The following KDM7A variants were observed in gnomAD, a reference collection of about 807,000 sequenced individuals.
KDM7A encodes the protein lysine demethylase 7A.
Under a neutral mutation model 114.8 loss-of-function variants are expected in KDM7A, and 28 were observed. The ratio of observed to expected loss-of-function variants is 0.24; its 90% CI spans 0.18 to 0.33. The LOEUF is 0.33. Ranked by LOEUF, KDM7A falls within the 10% of genes least tolerant of loss-of-function variation. The probability of loss-of-function intolerance (pLI) is 1.00; values close to 1 mark genes in which losing one functional copy is unlikely to be tolerated. For missense variants in KDM7A, 942 were observed against 1,142.5 expected, an observed-to-expected ratio of 0.82 and a Z score of 2.53; for synonymous variants, 423 against 397.8, an observed-to-expected ratio of 1.06 and a Z score of -0.75.
rs1817957286 is a variant in KDM7A at position 140,087,920 on chromosome 7, G to T, written c.*3174C>A. On this transcript the variant is annotated 3_prime_UTR_variant, in exon 20 of 20. Coordinates refer to ENST00000397560, the MANE Select transcript of KDM7A (RefSeq NM_030647.2). ...GTGAAAATAATACTGCTAATTTCCT[G>T]GAGAAGATACCTTCAAGGGCAGAGA... The T allele has an allele frequency of 3.3e-5, 5 of 152,136 alleles. No individual in the cohort carries two copies. Among genetic ancestry groups the T allele is most frequent in the Admixed American group, 3.3e-4 (5 of 15,276 alleles). 9.4% of individuals were successfully genotyped at this position (152,136 alleles called of 1,614,324 possible).
intron 1 of KDM7A, among the ~76,000 whole-genome samples, chr7:140,172,595 G>T (rs1363104746): frequency 6.6e-6 from 1 of 152,116 alleles, no homozygotes; most frequent in African/African-American, 2.4e-5. Context: ...GGAGCTTGCA[G>T]GGAGCTGAGA....
At chr7:140,172,774 T>A (rs1585172874) in intron 1 of KDM7A, among the ~76,000 whole-genome samples, 1 of 152,174 alleles carries the variant, frequency 6.6e-6, no homozygotes, top group African/African-American at 2.4e-5. Flanking sequence ...ACATTAAAGA[T>A]ACAGGAAAAA....
intron 1 of KDM7A, among the ~76,000 whole-genome samples, chr7:140,157,469 A>G (rs1794469978): frequency 6.6e-6 from 1 of 152,186 alleles, no homozygotes; most frequent in South Asian, 2.1e-4. Context: ...CCTGGGCAAC[A>G]TAGTGAGACT....
At chr7:140,096,245 A>G (rs754105157) in intron 17 of KDM7A, among the ~76,000 whole-genome samples, 2 of 152,132 alleles carry the variant, frequency 1.3e-5, no homozygotes, top group Non-Finnish European at 2.9e-5. Context: ...TGGCCATTTA[A>G]GGCACCAAAA....
chr7:140,118,379 C>CA (rs992658946), intron 9 of KDM7A, among the ~76,000 whole-genome samples: 1 of 150,584 alleles, frequency 6.6e-6, no homozygotes, highest in Non-Finnish European at 1.5e-5. Context: ...AAGACAAGTT[C>CA]AAAAAAGGTT....
At position 140,090,994 on chromosome 7, in the gene KDM7A, T is replaced by C. The variant is rs1036875120; in HGVS notation, c.*100A>G. 2.5e-6 allele frequency: 2 copies of C among 812,944 alleles called. No homozygotes were observed. The highest frequency in any genetic ancestry group is 3.4e-5 in the African/African-American group (2 of 58,726). The allele number at this position is 812,944 out of a possible 1,614,324, so 50.4% of individuals were successfully genotyped here. On this transcript the variant is annotated 3_prime_UTR_variant, in exon 20 of 20. Transcript: ENST00000397560. The stretch of plus-strand genomic sequence containing the variant: ...TGTTCTTCGGGCAGTGTTCTTACTA[T>C]ACACACAAACTGCTCCAGGCAGGGG...
At chr7:140,170,996 A>G (rs987018) in intron 1 of KDM7A, among the ~76,000 whole-genome samples, 8,870 of 152,146 alleles carry the variant, frequency 0.058, 332 homozygotes, top group East Asian at 0.13. Flanking sequence ...AGGCTGAAAC[A>G]GGAGGATTGC....
rs1399557085 is a variant in KDM7A at position 140,100,013 on chromosome 7, C to G, written c.1649G>C (p.Ser550Thr). The change falls in exon 13 of 20, where the codon AGC becomes ACC. Residue 550 changes from serine (S) to threonine (T), a missense_variant. Around this residue, in one of 4 missense-constraint regions of KDM7A, gnomAD observed 512 missense variants for 576.6 expected, o/e 0.89. Transcript: ENST00000397560. ...EMCPWEEDIL[S>T]SKLNGKFNKH... ...GTTGAATTTTCCATTCAGTTTAGAGCTCAAGATGTCCTGAAGGTATAAATG... is the reference window on the plus strand; with the variant it reads ...GTTGAATTTTCCATTCAGTTTAGAGGTCAAGATGTCCTGAAGGTATAAATG... 1 of 1,614,112 alleles carries G rather than the reference C, an allele frequency of 6.2e-7. No individual in the cohort carries two copies. Among genetic ancestry groups the G allele is most frequent in the Admixed American group, 1.7e-5 (1 of 60,012 alleles).
At chr7:140,159,307 G>A (rs756139810) in intron 1 of KDM7A, among the ~76,000 whole-genome samples, 8 of 151,956 alleles carry the variant, frequency 5.3e-5, no homozygotes, top group East Asian at 1.9e-4. Context: ...AGTTCATGCC[G>A]CTGCACTCCA....
At chr7:140,096,863 C>T (rs1386634109) in intron 16 of KDM7A, 36 bp downstream of exon 16, 2 of 1,599,874 alleles carry the variant, frequency 1.3e-6, no homozygotes, top group Admixed American at 1.7e-5. Flanking sequence ...ATTTACCTTA[C>T]AATATAATAA....
Position 140,087,255 on chromosome 7 carries a change from G to A in KDM7A, c.*3839C>T, listed in dbSNP as rs1817943178. The A allele has an allele frequency of 1.3e-5, 2 of 152,046 alleles. No homozygotes were observed. The highest frequency in any genetic ancestry group is 1.3e-4 in the Admixed American group (2 of 15,266). 9.4% of individuals were successfully genotyped at this position (152,046 alleles called of 1,614,324 possible). On this transcript the variant is annotated 3_prime_UTR_variant, in exon 20 of 20. Transcript: ENST00000397560. ...TACCTGAAGAGTATGCTGAATCTGT[G>A]GGGATGGTACTTTCCTAATTCTTCA...
intron 1 of KDM7A, among the ~76,000 whole-genome samples, chr7:140,146,468 G>A (rs1335850796): frequency 6.6e-6 from 1 of 152,120 alleles, no homozygotes; most frequent in Non-Finnish European, 1.5e-5. Flanking sequence ...AATGCAGTAG[G>A]ACACACAAAG....
At chr7:140,101,917 G>T in intron 12 of KDM7A, 34 bp downstream of exon 12, 1 of 1,432,166 alleles carries the variant, frequency 7.0e-7, no homozygotes, top group Non-Finnish European at 9.8e-7. Flanking sequence ...GAACAGCCAA[G>T]TTTCTTTTTG....
chr7:140,139,242 T>C (rs1794227004), intron 1 of KDM7A, 52 bp from the exon 2 acceptor site: 1 of 1,226,558 alleles, frequency 8.2e-7, no homozygotes, highest in South Asian at 1.2e-5. Flanking sequence ...AAATCTTCGC[T>C]TAACTATAAT....
At chr7:140,113,638 A>G in intron 9 of KDM7A, 56 bp from the exon 10 acceptor site, 1 of 922,268 alleles carries the variant, frequency 1.1e-6, no homozygotes. Flanking sequence ...TCTAAAGTTA[A>G]AGGGATTAAC....
chr7:140,142,902 TAA>T (rs111959732), intron 1 of KDM7A, among the ~76,000 whole-genome samples: 116 of 150,072 alleles, frequency 7.7e-4, no homozygotes, highest in Non-Finnish European at 1.2e-3. Flanking sequence ...TAATGCAAAT[TAA>T]AAAAAAAATC....
intron 14 of KDM7A, among the ~76,000 whole-genome samples, chr7:140,098,553 C>T (rs559045034): frequency 8.5e-5 from 13 of 152,230 alleles, no homozygotes; most frequent in African/African-American, 2.9e-4. Flanking sequence ...TAAAATTAAA[C>T]GAAACTTGAA....
At chr7:140,098,776 T>C (rs986593147) in intron 14 of KDM7A, 103 bp downstream of exon 14, 30 of 995,904 alleles carry the variant, frequency 3.0e-5, no homozygotes, top group Non-Finnish European at 4.1e-5. Context: ...CACAAAAGTT[T>C]TCTGCTATTT....
At chr7:140,148,750 T>C (rs1433712444) in intron 1 of KDM7A, among the ~76,000 whole-genome samples, 2 of 152,200 alleles carry the variant, frequency 1.3e-5, no homozygotes, top group Non-Finnish European at 2.9e-5. Flanking sequence ...AAAATCAAAC[T>C]GGTAATGTAT....
Sources: allele counts gnomAD v4.1 joint callset (sites outside exome capture counted in the v4.1 genomes callset), GRCh38; gene constraint gnomAD v4.1.1; regional missense constraint gnomAD v4.1.1; transcripts MANE v1.5; gene names NCBI Gene and HGNC (gene_info 2026-07-23, HGNC 2026-07-21).